SIGLEC11: variants seen among roughly 807,000 people sequenced by gnomAD.
The protein encoded by SIGLEC11 is sialic acid binding Ig like lectin 11.
Under a neutral mutation model 61.2 loss-of-function variants are expected in SIGLEC11, and 47 were observed. The ratio of observed to expected loss-of-function variants is 0.77; its 90% CI spans 0.61 to 0.98. The LOEUF (loss-of-function observed/expected upper bound fraction) is 0.98. SIGLEC11 is among the 50% of genes least tolerant of loss of function. SIGLEC11 has a pLI of 0.00. For missense variants in SIGLEC11, 610 were observed against 870.3 expected, an observed-to-expected ratio of 0.70 and a Z score of 3.76; for synonymous variants, 278 against 373.1, an observed-to-expected ratio of 0.75 and a Z score of 2.94.
At position 49,955,593 on chromosome 19, in the gene SIGLEC11, T is replaced by C. The variant is rs77695568; in HGVS notation, c.1651+2690A>G. 0.049 allele frequency among the ~76,000 whole-genome samples: 7,373 copies of C among 151,776 alleles called. 235 individuals carry two copies. The highest frequency in any genetic ancestry group is 0.082 in the Middle Eastern group (24 of 294). ...CAGGAAGGAAAAAGGAAGCAGAACA[T>C]AGGCTTAAAAAAAAAGGCCAATCTG... On this transcript the variant is annotated intron_variant, in intron 8 of 10. Coordinates refer to ENST00000447370, the MANE Select transcript of SIGLEC11 (RefSeq NM_052884.3). The surrounding 1 kb of genome is among the most constrained non-coding windows in gnomAD (Gnocchi z 4.5).
In SIGLEC11 at chr19:49,951,544, G is replaced by A. The variant is rs73576644; in HGVS notation, c.1830+347C>T. Among the ~76,000 whole-genome samples the A allele has an allele frequency of 0.033, 4,957 of 152,210 alleles. 276 individuals are homozygous for A. The highest frequency in any genetic ancestry group is 0.11 in the African/African-American group (4,659 of 41,494). The stretch of plus-strand genomic sequence containing the variant: ...GCTTTGTAGTAGACAATAGTCATCT[G>A]AGGAAAGGACTCTCTGGCATCCTGT... On this transcript the variant is annotated intron_variant, in intron 10 of 10. Coordinates refer to ENST00000447370, the MANE Select transcript of SIGLEC11 (RefSeq NM_052884.3). This position sits in a 1 kb window ranked among gnomAD's most constrained non-coding sequence, Gnocchi z 4.6.
At chr19:49,958,042 C>T (rs2076210249) in intron 8 of SIGLEC11, among the ~76,000 whole-genome samples, 1 of 152,112 alleles carries the variant, frequency 6.6e-6, no homozygotes, top group African/African-American at 2.4e-5. Flanking sequence ...TTATTTAATG[C>T]TCAGCTTTTG....
Position 49,955,950 on chromosome 19 carries a change from A to G in SIGLEC11, c.1651+2333T>C, listed in dbSNP as rs1022711640. On this transcript the variant is annotated intron_variant, in intron 8 of 10. Transcript: ENST00000447370. The surrounding 1 kb of genome is among the most constrained non-coding windows in gnomAD (Gnocchi z 4.5). ...ACTCCGTCTCAAAAAAAAAAAAAAAAAGAACTTGTACTTATGGCCGGGCGC... is the reference window on the plus strand; with the variant it reads ...ACTCCGTCTCAAAAAAAAAAAAAAAGAGAACTTGTACTTATGGCCGGGCGC... Among the ~76,000 whole-genome samples, 5 of 151,820 alleles carry G rather than the reference A, an allele frequency of 3.3e-5. No individual in the cohort carries two copies. Among genetic ancestry groups the G allele is most frequent in the Non-Finnish European group, 7.4e-5 (5 of 67,958 alleles).
In SIGLEC11 at chr19:49,960,420, G is replaced by A; in HGVS notation, c.462C>T (p.Ala154=). Residue 154 remains alanine (A), a splice_region_variant and synonymous_variant, in exon 3 of 11, where the codon GCC becomes GCT. Coordinates refer to ENST00000447370, the MANE Select transcript of SIGLEC11 (RefSeq NM_052884.3). ...TGTAGACATCAGGCTTCTTAGTCAG[G>A]GCTGGGACAGAGACCGGGTGGGAGA... is the stretch of plus-strand genomic sequence containing the variant. ...LSNAFFLKVT[A]LTKKPDVYIP... is the part of the protein sequence containing the mutation. 1 of 1,589,242 alleles carries A rather than the reference G, an allele frequency of 6.3e-7. No individual in the cohort carries two copies. Among genetic ancestry groups the A allele is most frequent in the Non-Finnish European group, 8.5e-7 (1 of 1,176,864 alleles).
intron 5 of SIGLEC11, 57 bp downstream of exon 5, chr19:49,959,303 G>T (rs1366534309): frequency 1.3e-6 from 2 of 1,575,896 alleles, no homozygotes; most frequent in Admixed American, 1.7e-5. Context: ...CCTGAGCCCA[G>T]CCCCTGTATC....
chr19:49,952,528 TTC>T, intron 8 of SIGLEC11, 134 bp from the exon 9 acceptor site: 1 of 617,152 alleles, frequency 1.6e-6, no homozygotes, highest in Non-Finnish European at 2.8e-6. Context: ...TATGCATTCA[TTC>T]ACTCCAAGAA....
At position 49,957,740 on chromosome 19, in the gene SIGLEC11, G is replaced by A. The variant is rs578036882; in HGVS notation, c.1651+543C>T. 2.6e-5 allele frequency among the ~76,000 whole-genome samples: 4 copies of A among 152,318 alleles called. No individual in the cohort carries two copies. The South Asian group carries it at 6.2e-4, about 24-fold the overall frequency. On this transcript the variant is annotated intron_variant, in intron 8 of 10. Transcript: ENST00000447370. ...GCTTTAGCCGGGCGCGGTGGCACAC[G>A]CCTGTAATCCCAGCACTTTGGGAGG...
intron 8 of SIGLEC11, 75 bp downstream of exon 8, chr19:49,958,208 A>C: frequency 6.3e-7 from 1 of 1,587,096 alleles, no homozygotes; most frequent in Non-Finnish European, 8.5e-7. Flanking sequence ...CCCTCTCCCC[A>C]CAACCTTGAA....
chr19:49,951,929 C>T lies in SIGLEC11; in HGVS notation c.1792G>A (p.Glu598Lys), dbSNP rs2076160608. Residue 598 changes from glutamate (E) to lysine (K), a missense_variant, in exon 10 of 11, where the codon GAG becomes AAG. By Grantham distance (56) the Glu-to-Lys change is moderately conservative. Coordinates refer to ENST00000447370, the MANE Select transcript of SIGLEC11 (RefSeq NM_052884.3). The surrounding 1 kb of genome is among the most constrained non-coding windows in gnomAD (Gnocchi z 4.6). ...RKEARKRAAAEQDVPSTLGPI... is the reference protein window; with the variant it reads ...RKEARKRAAAKQDVPSTLGPI... ...CCCAGGGTGGAGGGCACGTCCTGCTCAGCTGCTGCCCTCTTGCGAGCTTCC... is the reference window on the plus strand; with the variant it reads ...CCCAGGGTGGAGGGCACGTCCTGCTTAGCTGCTGCCCTCTTGCGAGCTTCC... The T allele has an allele frequency of 1.2e-6, 2 of 1,610,974 alleles. No individual in the cohort carries two copies. Among genetic ancestry groups the T allele is most frequent in the African/African-American group, 1.3e-5 (1 of 74,862 alleles).
In SIGLEC11 at chr19:49,958,881, G is replaced by C. The variant is rs374104181; in HGVS notation, c.1125C>G (p.Asn375Lys). The C allele has an allele frequency of 6.2e-7, 1 of 1,600,064 alleles. No individual in the cohort carries two copies. Among genetic ancestry groups the C allele is most frequent in the African/African-American group, 1.3e-5 (1 of 74,454 alleles). The change falls in exon 7 of 11, where the codon AAC becomes AAG. Residue 375 changes from asparagine to lysine, a missense_variant. Physicochemically the swap from Asn to Lys is moderately conservative, Grantham distance 94 (BLOSUM62 0). Coordinates refer to ENST00000447370, the MANE Select transcript of SIGLEC11 (RefSeq NM_052884.3). ...ANRTVLENLG[N>K]GTSLPVLEGQ... ...CCTCCAGGACCGGGAGGGATGTGCC[G>C]TTCCCGAGGTTTTCCAGGACTAGGG...
rs1005454485 is a variant in SIGLEC11, at chr19:49,951,921, G to A, written c.1800C>T (p.Asp600=). ...AGATGGGTCCCAGGGTGGAGGGCAC[G>A]TCCTGCTCAGCTGCTGCCCTCTTGC... ...EARKRAAAEQ[D]VPSTLGPISQ... Residue 600 remains aspartate, a synonymous_variant, in exon 10 of 11, where the codon GAC becomes GAT. Coordinates refer to ENST00000447370, the MANE Select transcript of SIGLEC11 (RefSeq NM_052884.3). The surrounding 1 kb of genome is among the most constrained non-coding windows in gnomAD (Gnocchi z 4.6). 18 of 1,610,166 alleles carry A rather than the reference G, an allele frequency of 1.1e-5. No individual in the cohort carries two copies. Among genetic ancestry groups the A allele is most frequent in the East Asian group, 2.2e-5 (1 of 44,668 alleles).
Position 49,951,952 on chromosome 19 carries a change from TCCTTCCTGC to T in SIGLEC11, c.1760_1768del (p.Cys587_Glu590delinsTer), listed in dbSNP as rs2076161091. On this transcript the variant is annotated stop_gained and inframe_deletion, in exon 10 of 11. Transcript: ENST00000447370. LOFTEE classifies it high-confidence loss of function. This position sits in a 1 kb window ranked among gnomAD's most constrained non-coding sequence, Gnocchi z 4.6. Reference sequence around the variant, plus strand: ...CTCAGCTGCTGCCCTCTTGCGAGCTTCCTTCCTGCAGATCTTCACCCTGAGGGAGGAGGC... The same window carrying T: ...CTCAGCTGCTGCCCTCTTGCGAGCTTAGATCTTCACCCTGAGGGAGGAGGC... 6.2e-7 allele frequency: 1 copy of T among 1,610,852 alleles called. No homozygotes were observed. Among genetic ancestry groups the T allele is most frequent in the African/African-American group, 1.3e-5 (1 of 74,826 alleles).
rs2076159436 is a variant in SIGLEC11 at position 49,951,777 on chromosome 19, G to A, written c.1830+114C>T. 12 of 908,420 alleles carry A rather than the reference G, an allele frequency of 1.3e-5. No homozygotes were observed. The highest frequency in any genetic ancestry group is 1.9e-5 in the Non-Finnish European group (12 of 625,130). The allele number at this position is 908,420 out of a possible 1,614,324, so 56.3% of individuals were successfully genotyped here. On this transcript the variant is annotated intron_variant, in intron 10 of 10. Coordinates refer to ENST00000447370, the MANE Select transcript of SIGLEC11 (RefSeq NM_052884.3). The surrounding 1 kb of genome is among the most constrained non-coding windows in gnomAD (Gnocchi z 4.6). ...TGGGACTGCATTGATGGGGACCCAG[G>A]AGCAAAACCCTATTTGGGGCACAAT...
Position 49,958,577 on chromosome 19 carries a change from G to A in SIGLEC11, c.1364-7C>T. ...CCCAGCAGCTGTGGAGGGTCTGTGG[G>A]GAGGGAGGACAGGACTCAGCAGGGG... is the stretch of plus-strand genomic sequence containing the variant. On this transcript the variant is annotated splice_polypyrimidine_tract_variant and splice_region_variant and intron_variant, in intron 7 of 10. Transcript: ENST00000447370. 2 of 1,569,228 alleles carry A rather than the reference G, an allele frequency of 1.3e-6. No homozygotes were observed. The highest frequency in any genetic ancestry group is 1.7e-6 in the Non-Finnish European group (2 of 1,159,250).
chr19:49,957,892 GA>G (rs1161910345), intron 8 of SIGLEC11, among the ~76,000 whole-genome samples: 2 of 152,220 alleles, frequency 1.3e-5, no homozygotes, highest in East Asian at 3.9e-4. Context: ...TCAGGTGGCT[GA>G]GGCAGGAGAA....
chr19:49,955,514 C>T lies in SIGLEC11; in HGVS notation c.1651+2769G>A, dbSNP rs780219588. Among the ~76,000 whole-genome samples, 7 of 152,058 alleles carry T rather than the reference C, an allele frequency of 4.6e-5. No homozygotes were observed. Among genetic ancestry groups the T allele is most frequent in the Admixed American group, 6.6e-5 (1 of 15,266 alleles). ...ATGGCAGTGCGTGCGTGCACAGGGG[C>T]GGGGCCCACGCCGTAGCCCAGTCCC... On this transcript the variant is annotated intron_variant, in intron 8 of 10. Transcript: ENST00000447370. This position sits in a 1 kb window ranked among gnomAD's most constrained non-coding sequence, Gnocchi z 4.5.
intron 8 of SIGLEC11, among the ~76,000 whole-genome samples, chr19:49,954,040 C>T (rs1209713662): frequency 6.6e-6 from 1 of 152,132 alleles, no homozygotes; most frequent in African/African-American, 2.4e-5. Context: ...GGTCTGAGGA[C>T]AGCCTGAGTA....
At chr19:49,959,682 G>GCCCC in intron 4 of SIGLEC11, 59 bp from the exon 5 acceptor site, 6 of 164,050 alleles carry the variant, frequency 3.7e-5, no homozygotes, top group Non-Finnish European at 5.7e-5. Flanking sequence ...GGGAGGGGGG[G>GCCCC]CTGCAAAGAG....
Position 49,959,223 on chromosome 19 carries a change from A to G in SIGLEC11, c.1057+137T>C, listed in dbSNP as rs553183502. On this transcript the variant is annotated intron_variant, in intron 5 of 10. Transcript: ENST00000447370. ...CCACTGAGTCCCAGACACAAACTGC[A>G]TGAGGGTCTACACAGGTAAGAAGGT... 6.3e-6 allele frequency: 9 copies of G among 1,421,762 alleles called. No individual in the cohort carries two copies. The African/African-American group carries it at 1.4e-4, about 22-fold the overall frequency. 88.1% of individuals were successfully genotyped at this position (1,421,762 alleles called of 1,614,324 possible).
Sources: allele counts gnomAD v4.1 joint callset (sites outside exome capture counted in the v4.1 genomes callset), GRCh38; gene constraint gnomAD v4.1.1; non-coding constraint Gnocchi (gnomAD v3.1); transcripts MANE v1.5; gene names NCBI Gene and HGNC (gene_info 2026-07-23, HGNC 2026-07-21).